SLC4A7: variants seen among roughly 807,000 people sequenced by gnomAD.
SLC4A7 encodes sodium bicarbonate cotransporter 3.
In SLC4A7, 51 loss-of-function variants were observed where a neutral mutation model predicts 137.6. The ratio of observed to expected loss-of-function variants is 0.37; its 90% confidence interval spans 0.30 to 0.47. The LOEUF (loss-of-function observed/expected upper bound fraction) is 0.47. SLC4A7 is among the 20% of genes least tolerant of loss of function. The pLI is 1.00. For synonymous variants in SLC4A7, 542 were observed against 518.6 expected, an observed-to-expected ratio of 1.05 and a Z score of -0.61; for missense variants, 1,247 against 1,525.4, an observed-to-expected ratio of 0.82 and a Z score of 3.04.
At chr3:27,390,186 A>T in intron 21 of SLC4A7, 82 bp from the exon 22 acceptor site, 2 of 591,176 alleles carry the variant, frequency 3.4e-6, no homozygotes, top group South Asian at 4.1e-5. Context: ...CAACTTTAGG[A>T]TTTTGTGTAT....
intron 1 of SLC4A7, among the ~76,000 whole-genome samples, chr3:27,469,710 G>T (rs1237253101): frequency 6.6e-6 from 1 of 151,954 alleles, no homozygotes; most frequent in Non-Finnish European, 1.5e-5. Context: ...CCTAGATCAT[G>T]CCATTGCACT....
At chr3:27,453,383 G>A (rs1436414396) in intron 1 of SLC4A7, among the ~76,000 whole-genome samples, 1 of 152,210 alleles carries the variant, frequency 6.6e-6, no homozygotes, top group African/African-American at 2.4e-5. Context: ...GGGAGGCCAA[G>A]GTGGGCAGAT....
At chr3:27,395,201 GA>G in intron 18 of SLC4A7, 86 bp from the exon 19 acceptor site, 1 of 872,368 alleles carries the variant, frequency 1.1e-6, no homozygotes, top group Non-Finnish European at 1.7e-6. Context: ...TCTGTTCCAA[GA>G]AATACCCAAC....
At chr3:27,459,486 A>C (rs1423043777) in intron 1 of SLC4A7, among the ~76,000 whole-genome samples, 1 of 152,166 alleles carries the variant, frequency 6.6e-6, no homozygotes, top group Non-Finnish European at 1.5e-5. Context: ...TTAAAGATTT[A>C]TTTTCAGTAT....
chr3:27,447,346 A>G (rs1200150632), intron 3 of SLC4A7, among the ~76,000 whole-genome samples: 2 of 152,208 alleles, frequency 1.3e-5, no homozygotes, highest in Admixed American at 1.3e-4. Flanking sequence ...GCTTGGTAGA[A>G]TGTTTAGACA....
chr3:27,447,439 T>C (rs1006677503), intron 3 of SLC4A7, among the ~76,000 whole-genome samples: 2 of 152,144 alleles, frequency 1.3e-5, no homozygotes, highest in African/African-American at 4.8e-5. Context: ...ACATAACAAC[T>C]TTTTTGTTCT....
At chr3:27,417,704 T>G (rs368820686) in intron 11 of SLC4A7, among the ~76,000 whole-genome samples, 7 of 152,308 alleles carry the variant, frequency 4.6e-5, no homozygotes, top group East Asian at 1.9e-4. Flanking sequence ...CAGTAAGCCA[T>G]GTTCATGACA....
chr3:27,458,970 G>A (rs897380632), intron 1 of SLC4A7, among the ~76,000 whole-genome samples: 2 of 151,986 alleles, frequency 1.3e-5, no homozygotes, highest in Admixed American at 6.6e-5. Context: ...ACTCCAGCCT[G>A]GACAACAGAG....
intron 13 of SLC4A7, among the ~76,000 whole-genome samples, chr3:27,407,922 C>T (rs553483908): frequency 6.6e-6 from 1 of 152,186 alleles, no homozygotes; most frequent in South Asian, 2.1e-4. Flanking sequence ...ACTCTACACA[C>T]TCTGGGACCG....
At chr3:27,406,825 C>G (rs1447265134) in intron 13 of SLC4A7, among the ~76,000 whole-genome samples, 2 of 151,880 alleles carry the variant, frequency 1.3e-5, no homozygotes, top group African/African-American at 4.8e-5. Context: ...CCAGCTACTC[C>G]GGAGGTTATG....
intron 3 of SLC4A7, among the ~76,000 whole-genome samples, chr3:27,443,149 A>G (rs2057347476): frequency 6.9e-6 from 1 of 144,616 alleles, no homozygotes; most frequent in Non-Finnish European, 1.5e-5. Flanking sequence ...CTCCTGTCTC[A>G]GCCTCTGGGT....
At chr3:27,421,857 C>T in intron 8 of SLC4A7, 78 bp from the exon 9 acceptor site, 1 of 992,588 alleles carries the variant, frequency 1.0e-6, no homozygotes, top group Non-Finnish European at 1.5e-6. Context: ...AGAAAAACTG[C>T]TTTATAAGAC....
At chr3:27,476,234 G>T (rs2059454640) in intron 1 of SLC4A7, among the ~76,000 whole-genome samples, 1 of 152,092 alleles carries the variant, frequency 6.6e-6, no homozygotes, top group African/African-American at 2.4e-5. Context: ...CATTTTAATG[G>T]TGCTTAATAT....
intron 11 of SLC4A7, among the ~76,000 whole-genome samples, chr3:27,412,132 C>T (rs559083034): frequency 5.9e-5 from 9 of 152,272 alleles, no homozygotes; most frequent in African/African-American, 1.9e-4. Flanking sequence ...TTGAAAATTA[C>T]GCTTTACATT....
chr3:27,428,908 TATATGTACAA>T (rs1275442257), intron 7 of SLC4A7, among the ~76,000 whole-genome samples: 1 of 152,186 alleles, frequency 6.6e-6, no homozygotes, highest in Non-Finnish European at 1.5e-5. Flanking sequence ...GGCAAAAAGA[TATATGTACAA>T]ATGTACATGT....
chr3:27,480,470 TCCTCCCACTTCAG>T (rs368061280), intron 1 of SLC4A7, among the ~76,000 whole-genome samples: 44 of 152,216 alleles, frequency 2.9e-4, no homozygotes, highest in African/African-American at 1.0e-3. Flanking sequence ...GCTCAAGTGA[TCCTCCCACTTCAG>T]CCTCCCAAAG....
Position 27,437,384 on chromosome 3 carries a change from T to C in SLC4A7, c.428+4A>G, listed in dbSNP as rs1262411046. Reference sequence around the variant, plus strand: ...AAAAAGAGAGAGAGACTTAGCAGTATTACCTAGCAGTTTCTTTCCATTCAT... The same window carrying C: ...AAAAAGAGAGAGAGACTTAGCAGTACTACCTAGCAGTTTCTTTCCATTCAT... On this transcript the variant is annotated splice_donor_region_variant and intron_variant, in intron 4 of 25. Transcript: ENST00000454389. The C allele has an allele frequency of 1.3e-6, 2 of 1,559,294 alleles. No individual in the cohort carries two copies. The highest frequency in any genetic ancestry group is 1.7e-6 in the Non-Finnish European group (2 of 1,157,676).
At chr3:27,388,432 T>C (rs1299561549) in intron 22 of SLC4A7, among the ~76,000 whole-genome samples, 1 of 152,138 alleles carries the variant, frequency 6.6e-6, no homozygotes, top group Non-Finnish European at 1.5e-5. Context: ...GGTACTGTAA[T>C]TATCTGTTCT....
chr3:27,415,176 G>A (rs1214682936), intron 11 of SLC4A7, among the ~76,000 whole-genome samples: 1 of 152,142 alleles, frequency 6.6e-6, no homozygotes, highest in Non-Finnish European at 1.5e-5. Flanking sequence ...CGACACCTTT[G>A]GTGCTGAACT....
Sources: gnomAD v4.1 joint callset for allele counts (sites outside exome capture counted in the v4.1 genomes callset) on GRCh38, gnomAD v4.1.1 for gene constraint, MANE v1.5 for transcripts, NCBI Gene and HGNC (gene_info 2026-07-23, HGNC 2026-07-21) for gene names.